ANKDD1A: variants seen among roughly 807,000 people sequenced by gnomAD.
The protein encoded by ANKDD1A is ankyrin repeat and death domain containing 1A.
In ANKDD1A, 59 loss-of-function variants were observed where a neutral mutation model predicts 63.5. That is an observed-to-expected ratio of 0.93 (90% CI 0.75 to 1.15). ANKDD1A has a LOEUF of 1.15. Ranked by LOEUF, ANKDD1A falls within the 50% of genes most tolerant of loss-of-function variation. The pLI is 0.00. For synonymous variants in ANKDD1A, 266 were observed against 263.9 expected (o/e 1.01, Z -0.08); for missense variants, 632 against 656.4 (o/e 0.96, Z 0.41).
intron 14 of ANKDD1A, among the ~76,000 whole-genome samples, chr15:64,953,633 T>TCTTTCTCCTC (rs1442181708): frequency 1.1e-3 from 5 of 4,642 alleles, no homozygotes; most frequent in Non-Finnish European, 4.6e-3. Flanking sequence ...TCTTCTTCCT[T>TCTTTCTCCTC]CTTCTTCCTC....
chr15:64,950,727 C>CGGGGGGGGGGGGG, intron 14 of ANKDD1A: 2 of 425,060 alleles, frequency 4.7e-6, no homozygotes, highest in Non-Finnish European at 5.2e-6. Context: ...AAAGAAAGGA[C>CGGGGGGGGGGGGG]CGCCCCCCCC....
chr15:64,926,281 C>T, intron 5 of ANKDD1A, 111 bp downstream of exon 5: 2 of 1,075,188 alleles, frequency 1.9e-6, no homozygotes, highest in Non-Finnish European at 2.7e-6. Context: ...GATCTGTGGG[C>T]ATATTGCACC....
At chr15:64,927,504 A>T (rs1445674910) in intron 6 of ANKDD1A, among the ~76,000 whole-genome samples, 1 of 152,066 alleles carries the variant, frequency 6.6e-6, no homozygotes, top group Non-Finnish European at 1.5e-5. Context: ...CCAATCTGAG[A>T]AGGGGTAAGG....
At chr15:64,951,624 CTCTT>C (rs2085280324) in intron 14 of ANKDD1A, among the ~76,000 whole-genome samples, 1 of 18,700 alleles carries the variant, frequency 5.3e-5, no homozygotes, top group African/African-American at 1.5e-4. Flanking sequence ...TATTCTTCTT[CTCTT>C]CTTTTCTTCT....
chr15:64,934,064 A>G, intron 8 of ANKDD1A, 72 bp from the exon 9 acceptor site: 1 of 1,280,350 alleles, frequency 7.8e-7, no homozygotes, highest in Non-Finnish European at 1.1e-6. Flanking sequence ...GGAAAAATGA[A>G]TCTCGAAGAG....
chr15:64,952,674 C>CT (rs1207074717), intron 14 of ANKDD1A, among the ~76,000 whole-genome samples: 2 of 136,990 alleles, frequency 1.5e-5, no homozygotes, highest in African/African-American at 5.4e-5. Context: ...CTTCTTCCTT[C>CT]TTCTTCTTCC....
chr15:64,913,612 C>T (rs1306699321), intron 1 of ANKDD1A, among the ~76,000 whole-genome samples: 1 of 152,208 alleles, frequency 6.6e-6, no homozygotes. Flanking sequence ...AGGGTAGCAA[C>T]TCTGAGATCC....
intron 4 of ANKDD1A, among the ~76,000 whole-genome samples, chr15:64,924,056 G>T (rs1356270896): frequency 1.3e-5 from 2 of 152,198 alleles, no homozygotes; most frequent in Admixed American, 1.3e-4. Context: ...TCTGTGGTTG[G>T]CGGGCAGTTC....
intron 1 of ANKDD1A, among the ~76,000 whole-genome samples, chr15:64,914,659 T>C (rs987201560): frequency 6.6e-6 from 1 of 152,186 alleles, no homozygotes; most frequent in African/African-American, 2.4e-5. Flanking sequence ...TGTGGGTGGA[T>C]CAGGAAGGGT....
At chr15:64,943,295 G>A (rs2085198612) in intron 10 of ANKDD1A, 189 bp from the exon 11 acceptor site, 2 of 587,484 alleles carry the variant, frequency 3.4e-6, no homozygotes, top group Admixed American at 3.0e-5. Context: ...TCATGTTGGG[G>A]TAAAAAAATT....
At chr15:64,942,390 C>T in intron 9 of ANKDD1A, 77 bp from the exon 10 acceptor site, 6 of 1,162,816 alleles carry the variant, frequency 5.2e-6, no homozygotes, top group Non-Finnish European at 7.3e-6. Context: ...CTTCCCTCCT[C>T]CTGTCCCCAG....
chr15:64,952,930 CTTCTTCCTCTTCTTCCTTCTCT>C (rs1429009282), intron 14 of ANKDD1A, among the ~76,000 whole-genome samples: 3 of 64,642 alleles, frequency 4.6e-5, no homozygotes, highest in African/African-American at 1.2e-4. Context: ...CTTCTTAGTT[CTTCTTCCTCTTCTTCCTTCTCT>C]TTCTTCCTCT....
At chr15:64,934,060 A>G in intron 8 of ANKDD1A, 76 bp from the exon 9 acceptor site, 1 of 1,242,676 alleles carries the variant, frequency 8.0e-7, no homozygotes, top group South Asian at 1.4e-5. Flanking sequence ...AAATGGAAAA[A>G]TGAATCTCGA....
intron 3 of ANKDD1A, among the ~76,000 whole-genome samples, chr15:64,921,289 T>C (rs577530146): frequency 1.3e-5 from 2 of 152,352 alleles, no homozygotes; most frequent in East Asian, 3.9e-4. Flanking sequence ...GTCAAGTATA[T>C]ATTCTAAGAT....
At chr15:64,940,813 AC>A (rs964771102) in intron 9 of ANKDD1A, among the ~76,000 whole-genome samples, 58 of 152,076 alleles carry the variant, frequency 3.8e-4, no homozygotes, top group African/African-American at 1.4e-3. Flanking sequence ...ATCATGGCTC[AC>A]TGCAGCCTCG....
At chr15:64,925,322 G>T (rs2085038243) in intron 4 of ANKDD1A, among the ~76,000 whole-genome samples, 1 of 151,204 alleles carries the variant, frequency 6.6e-6, no homozygotes, top group African/African-American at 2.4e-5. Flanking sequence ...CTGTTGTACT[G>T]ATTTTTATGA....
intron 5 of ANKDD1A, among the ~76,000 whole-genome samples, chr15:64,926,529 G>A (rs1047469140): frequency 6.6e-6 from 1 of 152,088 alleles, no homozygotes; most frequent in African/African-American, 2.4e-5. Context: ...GCTTGTGGGA[G>A]CTTTAGGGAC....
intron 9 of ANKDD1A, among the ~76,000 whole-genome samples, chr15:64,934,568 C>T (rs1219084971): frequency 2.1e-5 from 3 of 144,774 alleles, no homozygotes; most frequent in Non-Finnish European, 4.5e-5. Flanking sequence ...GTTGCAATCT[C>T]GGCTCACTGC....
chr15:64,953,995 C>T (rs1485437782), intron 14 of ANKDD1A, among the ~76,000 whole-genome samples: 8 of 118,914 alleles, frequency 6.7e-5, no homozygotes, highest in African/African-American at 2.5e-4. Context: ...TTCTTCCTTT[C>T]TTTCCTTTCT....
Sources: gnomAD v4.1 joint callset for allele counts (sites outside exome capture counted in the v4.1 genomes callset) on GRCh38, gnomAD v4.1.1 for gene constraint, MANE v1.5 for transcripts, NCBI Gene and HGNC (gene_info 2026-07-23, HGNC 2026-07-21) for gene names.